CPNE8: variants seen among roughly 807,000 people sequenced by gnomAD.
The protein encoded by CPNE8 is copine 8, also known as copine-8.
A neutral mutation model predicts 81.5 loss-of-function variants in CPNE8; 45 were observed. That is an observed-to-expected ratio of 0.55 (90% confidence interval 0.44 to 0.71). The LOEUF is 0.71. Among genes scored for constraint, CPNE8 ranks in the 30% least tolerant of loss-of-function variants. The pLI, the probability that CPNE8 is intolerant of heterozygous loss-of-function variation, is 0.00. For missense variants in CPNE8, 594 were observed against 672.1 expected, an observed-to-expected ratio of 0.88 and a Z score of 1.28; for synonymous variants, 252 against 226.3, an observed-to-expected ratio of 1.11 and a Z score of -1.02.
intron 1 of CPNE8, among the ~76,000 whole-genome samples, chr12:38,880,816 A>G (rs1384454979): frequency 1.3e-5 from 2 of 152,150 alleles, no homozygotes; most frequent in African/African-American, 2.4e-5. Flanking sequence ...ACCCTGAGAA[A>G]TTTAACATAA....
Position 38,700,019 on chromosome 12 carries a change from C to A in CPNE8, c.961+2856G>T, listed in dbSNP as rs539519979. Among the ~76,000 whole-genome samples, 8 of 152,170 alleles carry A rather than the reference C, an allele frequency of 5.3e-5. No homozygotes were observed. The South Asian group carries it at 1.7e-3, about 32-fold the overall frequency. On this transcript the variant is annotated intron_variant, in intron 14 of 19. Coordinates refer to ENST00000331366, the MANE Select transcript of CPNE8 (RefSeq NM_153634.3). ...GATCATGCCATCTGCAATAAGGATACTTTTATTTCTCTCCTTCTTATCCAG... is the reference window on the plus strand; with the variant it reads ...GATCATGCCATCTGCAATAAGGATAATTTTATTTCTCTCCTTCTTATCCAG...
chr12:38,693,043 T>C (rs575254181), intron 15 of CPNE8, among the ~76,000 whole-genome samples: 2 of 152,276 alleles, frequency 1.3e-5, no homozygotes, highest in African/African-American at 2.4e-5. Context: ...AGACAGGCCA[T>C]ATGTAAAACA....
chr12:38,829,834 G>A (rs1350705796), intron 5 of CPNE8, among the ~76,000 whole-genome samples: 3 of 152,190 alleles, frequency 2.0e-5, no homozygotes, highest in Non-Finnish European at 4.4e-5. Context: ...CCACAGCAGA[G>A]GTGGCTAATC....
At chr12:38,786,188 G>A (rs992680000) in intron 6 of CPNE8, among the ~76,000 whole-genome samples, 1 of 152,110 alleles carries the variant, frequency 6.6e-6, no homozygotes, top group Non-Finnish European at 1.5e-5. Flanking sequence ...ATAAAGACAA[G>A]CACACACTGA....
At chr12:38,664,771 C>T (rs1565559392) in intron 19 of CPNE8, among the ~76,000 whole-genome samples, 1 of 152,048 alleles carries the variant, frequency 6.6e-6, no homozygotes, top group South Asian at 2.1e-4. Context: ...AAAAAGAAAT[C>T]CTCAATTTCA....
At chr12:38,785,793 C>T (rs890724948) in intron 6 of CPNE8, among the ~76,000 whole-genome samples, 1 of 152,084 alleles carries the variant, frequency 6.6e-6, no homozygotes, top group Non-Finnish European at 1.5e-5. Flanking sequence ...TAAGAGTTGT[C>T]TTTTTGCTTA....
chr12:38,723,775 C>G lies in CPNE8; in HGVS notation c.911G>C (p.Gly304Ala). 6.4e-7 allele frequency: 1 copy of G among 1,574,002 alleles called. No homozygotes were observed. Among genetic ancestry groups the G allele is most frequent in the Non-Finnish European group, 8.7e-7 (1 of 1,147,020 alleles). ...ACAATTTGAGAGAATTACTTACCCTCCCTTAATGTAGTCAAGGAATGAAAC... is the reference window on the plus strand; with the variant it reads ...ACAATTTGAGAGAATTACTTACCCTGCCTTAATGTAGTCAAGGAATGAAAC... ...TEVSFLDYIK[G>A]GTQINFTVAI... The change falls in exon 13 of 20, where the codon GGA (glycine) becomes GCA (alanine). Residue 304 changes from glycine (G) to alanine (A), a missense_variant. Transcript: ENST00000331366.
chr12:38,722,335 G>T (rs898498814), intron 13 of CPNE8, among the ~76,000 whole-genome samples: 21 of 152,040 alleles, frequency 1.4e-4, no homozygotes, highest in Admixed American at 1.4e-3. Flanking sequence ...CTTAGTCTGT[G>T]CAGCCACTTT....
chr12:38,699,793 A>C lies in CPNE8; in HGVS notation c.961+3082T>G, dbSNP rs535444342. Among the ~76,000 whole-genome samples the C allele has an allele frequency of 2.6e-5, 4 of 152,324 alleles. No homozygotes were observed. In the South Asian group the frequency reaches 8.3e-4, roughly 32 times the overall value. On this transcript the variant is annotated intron_variant, in intron 14 of 19. Transcript: ENST00000331366. ...ATTTCCAGAAGAAGAATTGCTAGTT[A>C]AATTTATTCGTAAGTATAATATTCC...
chr12:38,758,387 T>A (rs1320098517), intron 10 of CPNE8, among the ~76,000 whole-genome samples: 1 of 152,198 alleles, frequency 6.6e-6, no homozygotes, highest in African/African-American at 2.4e-5. Context: ...TATGTTAGAT[T>A]GTTTCTTAAA....
At chr12:38,899,666 C>T (rs1047035534) in intron 1 of CPNE8, among the ~76,000 whole-genome samples, 1 of 152,160 alleles carries the variant, frequency 6.6e-6, no homozygotes. Flanking sequence ...TTATTTTTTA[C>T]TGATGTGTAG....
At chr12:38,809,798 T>C (rs568832608) in intron 6 of CPNE8, among the ~76,000 whole-genome samples, 1 of 152,322 alleles carries the variant, frequency 6.6e-6, no homozygotes, top group Non-Finnish European at 1.5e-5. Context: ...CTGTATATAA[T>C]CTATCATGGG....
Position 38,693,719 on chromosome 12 carries a change from G to A in CPNE8, c.1081C>T (p.Pro361Ser). The change falls in exon 15 of 20, where the codon CCA becomes TCA. Residue 361 changes from proline (P) to serine (S), a missense_variant. Coordinates refer to ENST00000331366, the MANE Select transcript of CPNE8 (RefSeq NM_153634.3). ...VQDYDSDKMF[P>S]ALGFGAKLPP... ...AGTTTTGCACCAAATCCTAGAGCTG[G>A]AAACATTTTATCACTGTCATAATCT... 6.2e-7 allele frequency: 1 copy of A among 1,613,484 alleles called. No individual in the cohort carries two copies. Among genetic ancestry groups the A allele is most frequent in the Non-Finnish European group, 8.5e-7 (1 of 1,179,638 alleles).
At chr12:38,696,673 A>T (rs1939805457) in intron 14 of CPNE8, among the ~76,000 whole-genome samples, 1 of 152,204 alleles carries the variant, frequency 6.6e-6, no homozygotes, top group African/African-American at 2.4e-5. Context: ...ATACCTTTGT[A>T]AGAAACTCAC....
At chr12:38,704,466 T>G (rs1940035658) in intron 13 of CPNE8, among the ~76,000 whole-genome samples, 1 of 152,108 alleles carries the variant, frequency 6.6e-6, no homozygotes, top group Non-Finnish European at 1.5e-5. Flanking sequence ...CTCCTCAACT[T>G]GCAGTGGGGT....
intron 3 of CPNE8, among the ~76,000 whole-genome samples, chr12:38,854,773 A>G (rs1943704453): frequency 6.6e-6 from 1 of 152,124 alleles, no homozygotes; most frequent in Admixed American, 6.5e-5. Context: ...ATACCTCTAT[A>G]CAATAAAAGA....
rs147138219 is a variant in CPNE8, at chr12:38,751,033, C to A, written c.722+9814G>T. ...TGATATTAAATAAGTCTTATGAGATCTGATGGTTTTGAAAAATGGGAGTCT... is the reference window on the plus strand; with the variant it reads ...TGATATTAAATAAGTCTTATGAGATATGATGGTTTTGAAAAATGGGAGTCT... On this transcript the variant is annotated intron_variant, in intron 10 of 19. Transcript: ENST00000331366. Among the ~76,000 whole-genome samples the A allele has an allele frequency of 7.6e-3, 1,153 of 152,254 alleles. 5 individuals are homozygous for A. The highest frequency in any genetic ancestry group is 0.017 in the Middle Eastern group (5 of 294).
In CPNE8 at chr12:38,652,669, C is replaced by A. The variant is rs954832799; in HGVS notation, c.*1213G>T. On this transcript the variant is annotated 3_prime_UTR_variant, in exon 20 of 20. Coordinates refer to ENST00000331366, the MANE Select transcript of CPNE8 (RefSeq NM_153634.3). ...CAATTCACAATCATTTCCAGGAATT[C>A]CGTGAGAATTTAAGGCCATTTGTTC... is the stretch of plus-strand genomic sequence containing the variant. 2 of 152,536 alleles carry A rather than the reference C, an allele frequency of 1.3e-5. No homozygotes were observed. Among genetic ancestry groups the A allele is most frequent in the African/African-American group, 4.8e-5 (2 of 41,416 alleles). The allele number at this position is 152,536 out of a possible 1,614,324, so 9.4% of individuals were successfully genotyped here. A position where few individuals can be genotyped will look rare whatever the true frequency, so the allele number is the denominator to read the frequency against.
intron 4 of CPNE8, among the ~76,000 whole-genome samples, chr12:38,845,458 C>T (rs1319674737): frequency 5.3e-5 from 8 of 152,040 alleles, no homozygotes; most frequent in Non-Finnish European, 7.4e-5. Flanking sequence ...TGCAGTAGTT[C>T]TCTGGGTAGT....
Sources: allele counts gnomAD v4.1 joint callset (sites outside exome capture counted in the v4.1 genomes callset), GRCh38; gene constraint gnomAD v4.1.1; transcripts MANE v1.5; gene names NCBI Gene and HGNC (gene_info 2026-07-23, HGNC 2026-07-21).